DNAH9: variants seen among roughly 807,000 people sequenced by gnomAD.
The protein encoded by DNAH9 is DNAH9 variant protein.
In DNAH9, 345 loss-of-function variants were observed where a neutral mutation model predicts 471.6. That is an observed-to-expected ratio of 0.73 (90% CI 0.67 to 0.80). The LOEUF (loss-of-function observed/expected upper bound fraction) is 0.80. Among genes scored for constraint, DNAH9 ranks in the 30% least tolerant of loss-of-function variants. The pLI is 0.00. For synonymous variants in DNAH9, 2,093 were observed against 2,123.6 expected (o/e 0.99, Z 0.40); for missense variants, 5,407 against 5,609.2 (o/e 0.96, Z 1.15).
At chr17:11,624,964 T>G (rs2150664946) in intron 6 of DNAH9, among the ~76,000 whole-genome samples, 1 of 152,256 alleles carries the variant, frequency 6.6e-6, no homozygotes, top group South Asian at 2.1e-4. Flanking sequence ...ATCCCAGAAG[T>G]ATATAAAATC....
At chr17:11,965,818 A>C (rs1442846632) in intron 68 of DNAH9, among the ~76,000 whole-genome samples, 1 of 152,206 alleles carries the variant, frequency 6.6e-6, no homozygotes, top group Non-Finnish European at 1.5e-5. Flanking sequence ...GATTTGAAAA[A>C]TATAATACCT....
At chr17:11,890,817 G>A (rs1299569227) in intron 57 of DNAH9, among the ~76,000 whole-genome samples, 2 of 152,040 alleles carry the variant, frequency 1.3e-5, no homozygotes, top group Non-Finnish European at 2.9e-5. Context: ...AGCTTCCCAA[G>A]TAGCTAGAAC....
chr17:11,611,819 C>T, intron 4 of DNAH9, 39 bp downstream of exon 4: 1 of 1,607,886 alleles, frequency 6.2e-7, no homozygotes, highest in Non-Finnish European at 8.5e-7. Context: ...GTGTTTGACT[C>T]AAGTTACCGT....
chr17:11,610,513 G>C lies in DNAH9; in HGVS notation c.732G>C (p.Glu244Asp). Residue 244 changes from glutamate (E) to aspartate (D), a missense_variant, in exon 3 of 69, where the codon GAG becomes GAC. By Grantham distance (45) the Glu-to-Asp change is conservative (BLOSUM62 2). This residue lies in a region of DNAH9 where 767 missense variants were observed against 692.5 expected (regional missense o/e 1.11). Coordinates refer to ENST00000262442, the MANE Select transcript of DNAH9 (RefSeq NM_001372.4). ...RESSQPLLQGENPTPKVELEF... is the reference protein window; with the variant it reads ...RESSQPLLQGDNPTPKVELEF... ...CTTCCCAGCCACTCTTACAAGGGGA[G>C]AATCCCACCCCTAAGGTGGAGTTGG... is the stretch of plus-strand genomic sequence containing the variant. The C allele has an allele frequency of 1.2e-6, 2 of 1,613,292 alleles. No individual in the cohort carries two copies. The highest frequency in any genetic ancestry group is 1.9e-4 in the Middle Eastern group (1 of 5,350).
chr17:11,822,847 C>A lies in DNAH9; in HGVS notation c.9059C>A (p.Thr3020Lys), dbSNP rs367932061. 1 of 1,614,114 alleles carries A rather than the reference C, an allele frequency of 6.2e-7. No homozygotes were observed. Residue 3020 changes from threonine to lysine, a missense_variant, in exon 48 of 69, where the codon ACA (threonine) becomes AAA (lysine). Physicochemically the swap from Thr to Lys is moderately conservative, Grantham distance 78 (BLOSUM62 -1). This residue lies in a region of DNAH9 where 4,636 missense variants were observed against 4,900.3 expected (regional missense o/e 0.95). Transcript: ENST00000262442. ...SISKFMAFVH[T>K]SVNQTSQSYL... ...AGCAAATTCATGGCCTTTGTCCACACAAGTGTCAACCAAACATCCCAGTCT... is the reference window on the plus strand; with the variant it reads ...AGCAAATTCATGGCCTTTGTCCACAAAAGTGTCAACCAAACATCCCAGTCT...
At chr17:11,800,710 T>G (rs530091374) in intron 43 of DNAH9, among the ~76,000 whole-genome samples, 5 of 152,308 alleles carry the variant, frequency 3.3e-5, no homozygotes, top group Admixed American at 1.3e-4. Flanking sequence ...CAGTTTTCAC[T>G]GCTAAGTCCT....
At chr17:11,833,525 G>A (rs975152694) in intron 48 of DNAH9, among the ~76,000 whole-genome samples, 1 of 152,168 alleles carries the variant, frequency 6.6e-6, no homozygotes, top group Non-Finnish European at 1.5e-5. Context: ...CTATGTGATT[G>A]GTTAGGGGAG....
chr17:11,892,098 T>C lies in DNAH9; in HGVS notation c.11283+151T>C, dbSNP rs1973071512. On this transcript the variant is annotated intron_variant, in intron 58 of 68. Coordinates refer to ENST00000262442, the MANE Select transcript of DNAH9 (RefSeq NM_001372.4). The surrounding 1 kb of genome is among the most constrained non-coding windows in gnomAD (Gnocchi z 4.3). The stretch of plus-strand genomic sequence containing the variant: ...AGAGGCATCAGACAAGAAGGTCCAA[T>C]GTGGTGTGTGCATCTGCCCCCACCA... 1.7e-5 allele frequency: 15 copies of C among 884,072 alleles called. No homozygotes were observed. In the South Asian group the frequency reaches 2.5e-4, roughly 15 times the overall value. The allele number at this position is 884,072 out of a possible 1,614,324, so 54.8% of individuals were successfully genotyped here. A position where few individuals can be genotyped will look rare whatever the true frequency, so the allele number is the denominator to read the frequency against.
chr17:11,678,558 A>T (rs2074084638), intron 17 of DNAH9, among the ~76,000 whole-genome samples: 1 of 152,210 alleles, frequency 6.6e-6, no homozygotes, highest in Non-Finnish European at 1.5e-5. Flanking sequence ...CCTGGCTTCC[A>T]TTTGTGTTGC....
At chr17:11,948,257 TCTCA>T (rs965670367) in intron 67 of DNAH9, among the ~76,000 whole-genome samples, 11 of 123,668 alleles carry the variant, frequency 8.9e-5, no homozygotes, top group Non-Finnish European at 1.6e-4. Flanking sequence ...TGAGACGGAG[TCTCA>T]CTCTGTTGCC....
intron 26 of DNAH9, among the ~76,000 whole-genome samples, chr17:11,706,971 T>C (rs993206618): frequency 2.0e-4 from 30 of 152,158 alleles, no homozygotes; most frequent in Admixed American, 6.5e-5. Flanking sequence ...ATCCAGTAAG[T>C]AGTGATAAAC....
chr17:11,747,530 T>A (rs1319883847), intron 31 of DNAH9, 26 bp from the exon 32 acceptor site: 1 of 1,604,512 alleles, frequency 6.2e-7, no homozygotes, highest in Non-Finnish European at 8.5e-7. Context: ...GGCTGGTCCC[T>A]CTGGCTGAAT....
chr17:11,605,648 C>T (rs1046588566), intron 1 of DNAH9, among the ~76,000 whole-genome samples: 1 of 150,898 alleles, frequency 6.6e-6, no homozygotes, highest in Non-Finnish European at 1.5e-5. Flanking sequence ...TACAGACATG[C>T]GCCACTACAA....
chr17:11,817,077 A>G (rs769603561), intron 45 of DNAH9, among the ~76,000 whole-genome samples: 4 of 151,278 alleles, frequency 2.6e-5, no homozygotes, highest in Non-Finnish European at 5.9e-5. Context: ...TAATAATAAT[A>G]ATGTTTCCGA....
rs2073937760 is a variant in DNAH9 at position 11,669,376 on chromosome 17, C to T, written c.2935C>T (p.Leu979=). 1 of 1,610,552 alleles carries T rather than the reference C, an allele frequency of 6.2e-7. No homozygotes were observed. Among genetic ancestry groups the T allele is most frequent in the South Asian group, 1.1e-5 (1 of 90,590 alleles). Residue 979 remains leucine (L), a synonymous_variant, in exon 17 of 69, where the codon CTG becomes TTG. Transcript: ENST00000262442. ...CGTTGTCTCGCTTCCCCAGGTCGAC[C>T]TGGACGGTATACCAGATTTGGCAAA... ...QNGSPHYQVD[L]DGIPDLANMR...
chr17:11,774,903 G>A (rs936867343), intron 38 of DNAH9, among the ~76,000 whole-genome samples: 2 of 151,840 alleles, frequency 1.3e-5, no homozygotes, highest in African/African-American at 4.8e-5. Flanking sequence ...ACATATTTAA[G>A]GTGTACAATT....
intron 68 of DNAH9, among the ~76,000 whole-genome samples, chr17:11,964,559 C>T (rs1293245707): frequency 6.6e-6 from 1 of 152,168 alleles, no homozygotes; most frequent in Non-Finnish European, 1.5e-5. Flanking sequence ...ATCCTCTCCT[C>T]CATAAAACAA....
At chr17:11,877,049 T>A (rs1021429323) in intron 53 of DNAH9, among the ~76,000 whole-genome samples, 5 of 151,916 alleles carry the variant, frequency 3.3e-5, no homozygotes, top group Non-Finnish European at 7.4e-5. Context: ...GTTCTGTGAA[T>A]GGATGATGGT....
At chr17:11,793,713 A>G (rs912899471) in intron 42 of DNAH9, 49 bp downstream of exon 42, 7 of 1,375,604 alleles carry the variant, frequency 5.1e-6, no homozygotes, top group Non-Finnish European at 6.8e-6. Context: ...AAAAAAAGAT[A>G]ATTATACAGA....
Sources: gnomAD v4.1 joint callset for allele counts (sites outside exome capture counted in the v4.1 genomes callset) on GRCh38, gnomAD v4.1.1 for gene constraint, gnomAD v4.1.1 regional missense constraint, Gnocchi (gnomAD v3.1) non-coding constraint, MANE v1.5 for transcripts, NCBI Gene and HGNC (gene_info 2026-07-23, HGNC 2026-07-21) for gene names.